The following RHAG variants were observed in gnomAD, a reference collection of about 807,000 sequenced individuals.
The protein encoded by RHAG is ammonium transporter Rh type A.
RHAG carries 25 observed loss-of-function variants against 42.4 expected under a neutral mutation model. That is an observed-to-expected ratio of 0.59 (90% CI 0.43 to 0.82). The LOEUF (loss-of-function observed/expected upper bound fraction) is 0.82, where lower values mean the gene tolerates loss of function less well. Ranked by LOEUF, RHAG falls within the 40% of genes least tolerant of loss-of-function variation. The probability of loss-of-function intolerance (pLI) is 0.00; values close to 1 mark genes in which losing one functional copy is unlikely to be tolerated. For synonymous variants in RHAG, 182 were observed against 177.7 expected (o/e 1.02, Z -0.19); for missense variants, 483 against 504.6 (o/e 0.96, Z 0.41).
At chr6:49,616,580 T>C (rs964676029) in intron 3 of RHAG, among the ~76,000 whole-genome samples, 11 of 152,254 alleles carry the variant, frequency 7.2e-5, no homozygotes, top group Non-Finnish European at 1.0e-4. Context: ...GGATATGATG[T>C]GGTTTTGACC....
intron 5 of RHAG, among the ~76,000 whole-genome samples, chr6:49,614,374 G>A (rs1203601570): frequency 7.3e-6 from 1 of 137,672 alleles, no homozygotes; most frequent in Non-Finnish European, 1.5e-5. Context: ...TTTTTTTTTT[G>A]TATTTTTAGT....
chr6:49,617,855 G>A (rs534560600), intron 3 of RHAG, among the ~76,000 whole-genome samples: 8 of 152,186 alleles, frequency 5.3e-5, no homozygotes, highest in African/African-American at 9.6e-5. Context: ...AAAATAATAC[G>A]TACAATGCAG....
intron 1 of RHAG, among the ~76,000 whole-genome samples, chr6:49,634,646 C>A (rs2127359642): frequency 6.6e-6 from 1 of 152,010 alleles, no homozygotes; most frequent in African/African-American, 2.4e-5. Context: ...GTTTTATTCA[C>A]TATCTAGTGC....
chr6:49,611,123 C>T lies in RHAG; in HGVS notation c.968G>A (p.Arg323Lys). The change falls in exon 7 of 10, where the codon AGG (arginine) becomes AAG (lysine). Residue 323 changes from arginine (R) to lysine (K), a missense_variant. By Grantham distance (26) the Arg-to-Lys change is conservative. Transcript: ENST00000371175. Reference sequence around the variant, plus strand: ...ATGGACCCCACATGTATCATGGATCCTCAGTTTAGTAGTAAAAAGTGGCTA... The same window carrying T: ...ATGGACCCCACATGTATCATGGATCTTCAGTTTAGTAGTAAAAAGTGGCTA... The part of the protein sequence containing the change: ...FLTPLFTTKL[R>K]IHDTCGVHNL... The T allele has an allele frequency of 6.2e-7, 1 of 1,613,482 alleles. No individual in the cohort carries two copies. Among genetic ancestry groups the T allele is most frequent in the Non-Finnish European group, 8.5e-7 (1 of 1,179,644 alleles).
chr6:49,617,041 T>C (rs1198638004), intron 3 of RHAG, among the ~76,000 whole-genome samples: 1 of 152,228 alleles, frequency 6.6e-6, no homozygotes, highest in Non-Finnish European at 1.5e-5. Flanking sequence ...TTCATTCAGC[T>C]AGCACACAGA....
intron 3 of RHAG, 23 bp from the exon 4 acceptor site, chr6:49,615,794 C>T (rs1281100180): frequency 1.2e-6 from 2 of 1,613,142 alleles, no homozygotes; most frequent in South Asian, 1.1e-5. Context: ...ATAGCATTCA[C>T]ATAAATAGAG....
In RHAG at chr6:49,615,654, C is replaced by T. The variant is rs765971111; in HGVS notation, c.610G>A (p.Ala204Thr). Residue 204 changes from alanine to threonine, a missense_variant, in exon 4 of 10, where the codon GCA becomes ACA. Transcript: ENST00000371175. ...ATTGCAAACAAGTCTGAGTAGTATG[C>T]GGACTCTTCATTTTCATGCCCCTTT... The part of the protein sequence containing the change: ...LRKGHENEES[A>T]YYSDLFAMIG... The T allele has an allele frequency of 1.5e-5, 25 of 1,613,926 alleles. No homozygotes were observed. Among genetic ancestry groups the T allele is most frequent in the South Asian group, 5.5e-5 (5 of 91,072 alleles).
At chr6:49,621,580 A>G (rs770707988) in intron 1 of RHAG, among the ~76,000 whole-genome samples, 2 of 152,204 alleles carry the variant, frequency 1.3e-5, no homozygotes, top group Non-Finnish European at 2.9e-5. Flanking sequence ...GCATTTGTCA[A>G]TTAATATCAA....
chr6:49,624,399 T>G (rs1032588570), intron 1 of RHAG, among the ~76,000 whole-genome samples: 1 of 152,122 alleles, frequency 6.6e-6, no homozygotes, highest in African/African-American at 2.4e-5. Flanking sequence ...CAGACAGGGT[T>G]TCACCATGTT....
At chr6:49,610,159 C>G (rs1049237734) in intron 7 of RHAG, among the ~76,000 whole-genome samples, 2 of 152,098 alleles carry the variant, frequency 1.3e-5, no homozygotes, top group African/African-American at 4.8e-5. Context: ...ATGGGTGCAG[C>G]AAACCACCAA....
intron 7 of RHAG, among the ~76,000 whole-genome samples, chr6:49,610,143 T>G (rs938082424): frequency 1.3e-5 from 2 of 152,082 alleles, no homozygotes; most frequent in Admixed American, 1.3e-4. Flanking sequence ...CCTAGATGAC[T>G]GGCTGATGGG....
At chr6:49,607,259 G>T in intron 7 of RHAG, 39 bp from the exon 8 acceptor site, 13 of 1,548,570 alleles carry the variant, frequency 8.4e-6, no homozygotes, top group Admixed American at 1.7e-5. Context: ...GTCTTTCCTG[G>T]ATCTCAGCCA....
chr6:49,615,736 G>A lies in RHAG; in HGVS notation c.528C>T (p.Ala176=). 1 of 1,614,078 alleles carries A rather than the reference G, an allele frequency of 6.2e-7. No individual in the cohort carries two copies. The highest frequency in any genetic ancestry group is 8.5e-7 in the Non-Finnish European group (1 of 1,180,012). The part of the protein sequence containing the change: ...SDIGASMTIH[A]FGAYFGLAVA... ...CAGCCAAGCCAAAGTAGGCCCCAAA[G>A]GCATGGATCGTCATTGATGCTCCAA... The change falls in exon 4 of 10, where the codon GCC becomes GCT. Residue 176 remains alanine (A), a synonymous_variant. Coordinates refer to ENST00000371175, the MANE Select transcript of RHAG (RefSeq NM_000324.3).
rs369835119 is a variant in RHAG at position 49,608,754 on chromosome 6, GTAT to G, written c.1068-1537_1068-1535del. 3.3e-3 allele frequency among the ~76,000 whole-genome samples: 498 copies of G among 152,040 alleles called. 2 individuals carry two copies. The highest frequency in any genetic ancestry group is 0.012 in the African/African-American group (477 of 41,460). Reference sequence around the variant, plus strand: ...AATTTTTTACTTTAGCCATTATTCAGTATTATTATTATTATTAATTCATTCATG... The same window carrying G: ...AATTTTTTACTTTAGCCATTATTCAGTATTATTATTATTAATTCATTCATG... On this transcript the variant is annotated intron_variant, in intron 7 of 9. Coordinates refer to ENST00000371175, the MANE Select transcript of RHAG (RefSeq NM_000324.3).
chr6:49,626,907 G>A (rs1216975918), intron 1 of RHAG, among the ~76,000 whole-genome samples: 2 of 152,244 alleles, frequency 1.3e-5, no homozygotes, highest in African/African-American at 2.4e-5. Flanking sequence ...AGAAACAGCC[G>A]GAGCTGTACA....
In RHAG at chr6:49,623,661, C is replaced by T. The variant is rs188989155; in HGVS notation, c.158-4299G>A. Among the ~76,000 whole-genome samples the T allele has an allele frequency of 3.9e-5, 6 of 152,200 alleles. No individual in the cohort carries two copies. The East Asian group carries it at 1.2e-3, about 29-fold the overall frequency. On this transcript the variant is annotated intron_variant, in intron 1 of 9. Coordinates refer to ENST00000371175, the MANE Select transcript of RHAG (RefSeq NM_000324.3). ...GCAACTTGAGGAAGTAGAGTGGTGC[C>T]GCTGATGTCCTGAGGGTACAGACTA... is the stretch of plus-strand genomic sequence containing the variant.
chr6:49,611,503 T>C (rs1470663967), intron 6 of RHAG, among the ~76,000 whole-genome samples: 2 of 152,150 alleles, frequency 1.3e-5, no homozygotes, highest in African/African-American at 2.4e-5. Flanking sequence ...GGCATATTCC[T>C]CCTGTATTCC....
intron 7 of RHAG, among the ~76,000 whole-genome samples, chr6:49,610,058 C>T (rs570808729): frequency 2.2e-4 from 33 of 150,522 alleles, no homozygotes; most frequent in Admixed American, 3.3e-4. Flanking sequence ...ATCACACAGC[C>T]GGACCTGATG....
At chr6:49,616,354 C>CAAAAAAAAA (rs34416373) in intron 3 of RHAG, among the ~76,000 whole-genome samples, 13 of 108,752 alleles carry the variant, frequency 1.2e-4, no homozygotes, top group East Asian at 8.6e-4. Flanking sequence ...AATCTCAAAC[C>CAAAAAAAAA]AAAAAAAAAA....
Sources: gnomAD v4.1 joint callset for allele counts (sites outside exome capture counted in the v4.1 genomes callset) on GRCh38, gnomAD v4.1.1 for gene constraint, MANE v1.5 for transcripts, NCBI Gene and HGNC (gene_info 2026-07-23, HGNC 2026-07-21) for gene names.